ZNF721: variants seen among roughly 807,000 people sequenced by gnomAD.
The protein encoded by ZNF721 is zinc finger protein 721.
A neutral mutation model predicts 2.4 loss-of-function variants in ZNF721; 2 were observed. The ratio of observed to expected loss-of-function variants is 0.82; its 90% CI spans 0.34 to 2.58. The LOEUF is 2.58. ZNF721 is among the 30% of genes most tolerant of loss of function. The pLI is 0.11. For synonymous variants in ZNF721, 398 were observed against 381.8 expected (o/e 1.04, Z -0.50); for missense variants, 1,187 against 1,085.5 (o/e 1.09, Z -1.31).
In ZNF721 at chr4:474,312, G is replaced by T. The variant is rs782565494; in HGVS notation, c.-93-1611C>A. On this transcript the variant is annotated intron_variant, in intron 1 of 2. Coordinates refer to ENST00000511833, the MANE Select transcript of ZNF721 (RefSeq NM_133474.4). ...ACAATGCACTGAATGAGGCAAGAGT[G>T]ACAGACTAGTACCTCCAGGCACTTT... 1.0e-5 allele frequency: 3 copies of T among 300,072 alleles called. No individual in the cohort carries two copies. In the East Asian group the frequency reaches 2.8e-4, roughly 28 times the overall value. 18.6% of individuals were successfully genotyped at this position (300,072 alleles called of 1,614,324 possible). A position where few individuals can be genotyped will look rare whatever the true frequency, so the allele number is the denominator to read the frequency against.
At position 442,989 on chromosome 4, in the gene ZNF721, C is replaced by G; in HGVS notation, c.1478G>C (p.Arg493Thr). 6.2e-7 allele frequency: 1 copy of G among 1,613,660 alleles called. No homozygotes were observed. Among genetic ancestry groups the G allele is most frequent in the South Asian group, 1.1e-5 (1 of 91,078 alleles). The change falls in exon 3 of 3, where the codon AGG becomes ACG. Residue 493 changes from arginine to threonine, a missense_variant. Coordinates refer to ENST00000511833, the MANE Select transcript of ZNF721 (RefSeq NM_133474.4). ...TSSSSFAKHKRIHTGEKPFEC... is the reference protein window; with the variant it reads ...TSSSSFAKHKTIHTGEKPFEC... ...AAAGGGTTTCTCGCCAGTATGAATC[C>G]TCTTATGTTTAGCAAAGCTTGAGGA...
intron 2 of ZNF721, among the ~76,000 whole-genome samples, chr4:469,569 A>G (rs1021613857): frequency 3.3e-5 from 5 of 152,338 alleles, no homozygotes; most frequent in Non-Finnish European, 7.3e-5. Context: ...CAGTAATAGA[A>G]AACACAATTG....
intron 1 of ZNF721, among the ~76,000 whole-genome samples, chr4:473,616 G>GA (rs1235730911): frequency 1.3e-5 from 2 of 152,198 alleles, no homozygotes; most frequent in African/African-American, 2.4e-5. Flanking sequence ...TGAACTCTAT[G>GA]TTTTGATGGG....
intron 2 of ZNF721, among the ~76,000 whole-genome samples, chr4:450,070 A>G (rs1448846207): frequency 6.6e-6 from 1 of 152,218 alleles, no homozygotes; most frequent in Non-Finnish European, 1.5e-5. Context: ...TAAACTGTGG[A>G]CGACCACACA....
rs544638896 is a variant in ZNF721, at chr4:497,912, A to C, written c.-94+1144T>G. 2.6e-3 allele frequency among the ~76,000 whole-genome samples: 244 copies of C among 93,970 alleles called. 1 individual carries two copies. The highest frequency in any genetic ancestry group is 7.0e-3 in the African/African-American group (238 of 34,086). The allele number at this position is 93,970 out of a possible 152,430, so 61.6% of individuals were successfully genotyped here. ...GACTCCGTCTCAAAAACAAACCAAC[A>C]AAAAAAAAACAGGCCGGGCGCGGTG... On this transcript the variant is annotated intron_variant, in intron 1 of 2. Transcript: ENST00000511833.
chr4:445,793 G>A (rs1228522025), intron 2 of ZNF721, among the ~76,000 whole-genome samples: 3 of 152,022 alleles, frequency 2.0e-5, no homozygotes, highest in African/African-American at 7.2e-5. Flanking sequence ...CAGATTTATC[G>A]CAAGGCACAT....
chr4:445,837 A>C (rs139474519), intron 2 of ZNF721, among the ~76,000 whole-genome samples: 1,777 of 152,344 alleles, frequency 0.012, 13 homozygotes, highest in Middle Eastern at 0.041. Flanking sequence ...AAAATCAAAC[A>C]CAAGAAGGGC....
rs1298692222 is a variant in ZNF721 at position 442,513 on chromosome 4, G to C, written c.1954C>G (p.Pro652Ala). ...KCEECGKAFA[P>A]STDLNQHTKI... ...GTGTGTTGATTCAGGTCTGTTGATG[G>C]GGCAAAGGCTTTGCCACACTCTTCA... Residue 652 changes from proline to alanine, a missense_variant, in exon 3 of 3, where the codon CCA becomes GCA. Coordinates refer to ENST00000511833, the MANE Select transcript of ZNF721 (RefSeq NM_133474.4). 1.2e-6 allele frequency: 2 copies of C among 1,610,520 alleles called. No individual in the cohort carries two copies. Among genetic ancestry groups the C allele is most frequent in the Non-Finnish European group, 1.7e-6 (2 of 1,178,542 alleles).
chr4:458,492 A>G (rs2108700796), intron 2 of ZNF721, among the ~76,000 whole-genome samples: 1 of 152,300 alleles, frequency 6.6e-6, no homozygotes, highest in South Asian at 2.1e-4. Context: ...CTTATGAAGG[A>G]TCAGGCAAAC....
intron 1 of ZNF721, among the ~76,000 whole-genome samples, chr4:477,356 G>C (rs1715657202): frequency 7.1e-6 from 1 of 141,230 alleles, no homozygotes; most frequent in African/African-American, 2.6e-5. Flanking sequence ...TCCTGCCTCA[G>C]CCTCCCAAGT....
intron 1 of ZNF721, among the ~76,000 whole-genome samples, chr4:482,732 G>T (rs1203892118): frequency 6.6e-6 from 1 of 151,346 alleles, no homozygotes; most frequent in Non-Finnish European, 1.5e-5. Context: ...CTTGACCTCG[G>T]GATCTACCCG....
chr4:476,337 G>A (rs1474931923), intron 1 of ZNF721, among the ~76,000 whole-genome samples: 1 of 152,170 alleles, frequency 6.6e-6, no homozygotes, highest in African/African-American at 2.4e-5. Context: ...ATCATATATT[G>A]GGTAGCCAGC....
At chr4:474,272 A>G in intron 1 of ZNF721, 1 of 346,836 alleles carries the variant, frequency 2.9e-6, no homozygotes. Context: ...TTTGAATGAC[A>G]GAAATTGTGA....
At chr4:473,857 G>A (rs1198182021) in intron 1 of ZNF721, 28 of 1,258,372 alleles carry the variant, frequency 2.2e-5, no homozygotes, top group Admixed American at 1.1e-4. Flanking sequence ...GGAGGGGACT[G>A]AGGACCGAGG....
chr4:467,164 C>T (rs1560235922), intron 2 of ZNF721, among the ~76,000 whole-genome samples: 1 of 152,012 alleles, frequency 6.6e-6, no homozygotes, highest in Non-Finnish European at 1.5e-5. Context: ...TTGCAGTGAG[C>T]CGAGATTGCG....
intron 2 of ZNF721, among the ~76,000 whole-genome samples, chr4:469,252 T>C (rs887998376): frequency 5.9e-5 from 9 of 151,880 alleles, no homozygotes; most frequent in African/African-American, 1.9e-4. Flanking sequence ...CAAATATTTG[T>C]TTCATTTCCA....
rs1157659200 is a variant in ZNF721, at chr4:441,051, G to A, written c.*644C>T. ...GATTTCTCTCCAATATAAATTCTCT[G>A]ATGTTGAACAAAGTTTAAGCAACTG... On this transcript the variant is annotated 3_prime_UTR_variant, in exon 3 of 3. Transcript: ENST00000511833. 2 of 152,178 alleles carry A rather than the reference G, an allele frequency of 1.3e-5. No individual in the cohort carries two copies. The highest frequency in any genetic ancestry group is 2.9e-5 in the Non-Finnish European group (2 of 68,044). The allele number at this position is 152,178 out of a possible 1,614,324, so 9.4% of individuals were successfully genotyped here.
intron 2 of ZNF721, among the ~76,000 whole-genome samples, chr4:451,707 G>A (rs995186675): frequency 6.6e-6 from 1 of 152,202 alleles, no homozygotes; most frequent in Non-Finnish European, 1.5e-5. Flanking sequence ...TATTGTGTGT[G>A]TGTCTTCTTC....
chr4:467,806 C>T (rs75291494), intron 2 of ZNF721, among the ~76,000 whole-genome samples: 1,663 of 152,286 alleles, frequency 0.011, 29 homozygotes, highest in African/African-American at 0.038. Context: ...CGTGGCCACT[C>T]GTACACACTC....
Sources: allele counts gnomAD v4.1 joint callset (sites outside exome capture counted in the v4.1 genomes callset), GRCh38; gene constraint gnomAD v4.1.1; transcripts MANE v1.5; gene names NCBI Gene and HGNC (gene_info 2026-07-23, HGNC 2026-07-21).